Variants in RORA observed in about 807,000 individuals in gnomAD.
The protein encoded by RORA is nuclear receptor ROR-alpha.
Under a neutral mutation model 69.5 loss-of-function variants are expected in RORA, and 7 were observed. The ratio of observed to expected loss-of-function variants is 0.10; its 90% CI spans 0.06 to 0.19. The LOEUF (loss-of-function observed/expected upper bound fraction) is 0.19. RORA is among the 10% of genes least tolerant of loss of function. RORA has a pLI of 1.00. For synonymous variants in RORA, 261 were observed against 240.8 expected (o/e 1.08, Z -0.78); for missense variants, 457 against 663.0 (o/e 0.69, Z 3.41).
At chr15:60,709,848 C>T (rs1016437813) in intron 1 of RORA, among the ~76,000 whole-genome samples, 4 of 152,118 alleles carry the variant, frequency 2.6e-5, no homozygotes, top group Non-Finnish European at 5.9e-5. Context: ...TCCCCCAACA[C>T]TCCTGCCCCA....
rs80010985 is a variant in RORA, at chr15:61,060,055, C to G, written c.166+168998G>C. Among the ~76,000 whole-genome samples, 1,146 of 132,824 alleles carry G rather than the reference C, an allele frequency of 8.6e-3. 26 individuals are homozygous for G. Among genetic ancestry groups the G allele is most frequent in the East Asian group, 0.069 (308 of 4,472 alleles). 87.1% of individuals were successfully genotyped at this position (132,824 alleles called of 152,430 possible). ...AGAAGAAGAAGAAGAAGAAGAAAGC[C>G]TTTCTGACAAGCACCACCCAACTAC... On this transcript the variant is annotated intron_variant, in intron 1 of 10. Transcript: ENST00000335670.
chr15:60,779,768 G>T (rs1419480249), intron 1 of RORA, among the ~76,000 whole-genome samples: 1 of 152,166 alleles, frequency 6.6e-6, no homozygotes, highest in Non-Finnish European at 1.5e-5. Flanking sequence ...CATTTCCCCA[G>T]GAATTGCTGT....
chr15:60,489,095 A>C lies in RORA; in HGVS notation c.*8360T>G, dbSNP rs1186680233. 2.0e-5 allele frequency: 3 copies of C among 152,212 alleles called. No homozygotes were observed. The highest frequency in any genetic ancestry group is 7.2e-5 in the African/African-American group (3 of 41,448). The allele number at this position is 152,212 out of a possible 1,614,324, so 9.4% of individuals were successfully genotyped here. ...ACCCTCAGGAAGCTTAGGATGCTAA[A>C]TCGTGCTTTAAAAAAAAGGTTTCAA... On this transcript the variant is annotated 3_prime_UTR_variant, in exon 11 of 11. Coordinates refer to ENST00000335670, the MANE Select transcript of RORA (RefSeq NM_134261.3).
intron 1 of RORA, among the ~76,000 whole-genome samples, chr15:61,130,570 C>A (rs1180161086): frequency 6.6e-6 from 1 of 152,112 alleles, no homozygotes; most frequent in East Asian, 1.9e-4. Flanking sequence ...CATTTGATAG[C>A]TAAAGTATTG....
intron 1 of RORA, among the ~76,000 whole-genome samples, chr15:61,113,341 G>T (rs1394024651): frequency 2.0e-5 from 3 of 152,172 alleles, no homozygotes; most frequent in African/African-American, 4.8e-5. Context: ...GTAGGTGGGG[G>T]CCAAGACATA....
At chr15:60,631,621 A>C (rs761060725) in intron 2 of RORA, among the ~76,000 whole-genome samples, 20 of 152,090 alleles carry the variant, frequency 1.3e-4, no homozygotes, top group Admixed American at 3.3e-4. Flanking sequence ...TGCCAGGTAG[A>C]ATACTGAAAA....
At chr15:60,715,387 CT>C in intron 1 of RORA, among the ~76,000 whole-genome samples, 1 of 152,298 alleles carries the variant, frequency 6.6e-6, no homozygotes, top group South Asian at 2.1e-4. Flanking sequence ...CCTTTGTTAG[CT>C]TTCTTCCAAA....
intron 1 of RORA, among the ~76,000 whole-genome samples, chr15:60,900,887 T>C (rs1003302335): frequency 5.3e-5 from 8 of 150,652 alleles, no homozygotes; most frequent in South Asian, 2.1e-4. Context: ...AAATAAAAAA[T>C]AAAAAAAAAT....
chr15:60,566,614 G>A (rs527483922), intron 2 of RORA, among the ~76,000 whole-genome samples: 12 of 152,214 alleles, frequency 7.9e-5, no homozygotes, highest in Non-Finnish European at 1.5e-4. Context: ...ATGACTAGAT[G>A]AATACATGGT....
At chr15:60,946,990 G>A (rs1044015180) in intron 1 of RORA, among the ~76,000 whole-genome samples, 2 of 151,384 alleles carry the variant, frequency 1.3e-5, no homozygotes, top group African/African-American at 4.9e-5. Context: ...CCCTCCGTCC[G>A]GCAGCCGCCC....
intron 1 of RORA, among the ~76,000 whole-genome samples, chr15:60,845,479 A>G (rs758595999): frequency 5.3e-5 from 8 of 152,208 alleles, no homozygotes; most frequent in Non-Finnish European, 8.8e-5. Flanking sequence ...TAAGGTCCCC[A>G]GATCCACAGA....
chr15:60,730,995 A>T (rs1224955408), intron 1 of RORA, among the ~76,000 whole-genome samples: 1 of 152,040 alleles, frequency 6.6e-6, no homozygotes, highest in African/African-American at 2.4e-5. Context: ...ATATTTCATC[A>T]CTCAGGTATT....
intron 1 of RORA, among the ~76,000 whole-genome samples, chr15:60,788,174 A>G (rs1049671610): frequency 7.9e-5 from 12 of 152,196 alleles, no homozygotes; most frequent in Admixed American, 5.2e-4. Flanking sequence ...GTAGGCTGAA[A>G]TTTCCGGGCT....
At chr15:60,810,719 GT>G (rs34086386) in intron 1 of RORA, among the ~76,000 whole-genome samples, 106,577 of 147,036 alleles carry the variant, frequency 0.72, 38,899 homozygotes, top group Admixed American at 0.79. Context: ...TTTCCCTCCA[GT>G]TTTTTTTTTT....
intron 1 of RORA, among the ~76,000 whole-genome samples, chr15:60,964,864 G>A (rs1436687743): frequency 1.3e-5 from 2 of 152,218 alleles, no homozygotes; most frequent in South Asian, 4.1e-4. Context: ...AGAAGCATAT[G>A]CAAGTGACCC....
chr15:60,721,544 T>G (rs748601663), intron 1 of RORA, among the ~76,000 whole-genome samples: 12 of 152,254 alleles, frequency 7.9e-5, no homozygotes, highest in Non-Finnish European at 1.8e-4. Context: ...GAATTCACAG[T>G]ATGAAGTGCC....
intron 2 of RORA, among the ~76,000 whole-genome samples, chr15:60,597,068 C>T (rs933354474): frequency 6.6e-6 from 1 of 152,130 alleles, no homozygotes; most frequent in African/African-American, 2.4e-5. Context: ...CCAAACATTC[C>T]TAAAGGTGTA....
intron 3 of RORA, among the ~76,000 whole-genome samples, chr15:60,516,762 A>G (rs1046105470): frequency 6.6e-6 from 1 of 152,220 alleles, no homozygotes; most frequent in Admixed American, 6.5e-5. Context: ...AGATTTTCCT[A>G]CAAGGGTGTT....
At chr15:60,917,862 T>A (rs1200899161) in intron 1 of RORA, among the ~76,000 whole-genome samples, 1 of 152,224 alleles carries the variant, frequency 6.6e-6, no homozygotes, top group Non-Finnish European at 1.5e-5. Context: ...GGGTTCAATC[T>A]GCCACCCTCA....
Sources: allele counts gnomAD v4.1 joint callset (sites outside exome capture counted in the v4.1 genomes callset), GRCh38; gene constraint gnomAD v4.1.1; transcripts MANE v1.5; gene names NCBI Gene and HGNC (gene_info 2026-07-23, HGNC 2026-07-21).